DGKB: variants seen among roughly 807,000 people sequenced by gnomAD.
The protein encoded by DGKB is 90 kDa diacylglycerol kinase.
A neutral mutation model predicts 114.3 loss-of-function variants in DGKB; 67 were observed. The observed-to-expected ratio is 0.59, with a 90% CI of 0.48 to 0.72. The LOEUF (loss-of-function observed/expected upper bound fraction) is 0.72. Ranked by LOEUF, DGKB falls within the 30% of genes least tolerant of loss-of-function variation. The probability of loss-of-function intolerance (pLI) is 0.00; values close to 1 mark genes in which losing one functional copy is unlikely to be tolerated. For missense variants in DGKB, 907 were observed against 975.2 expected, an observed-to-expected ratio of 0.93 and a Z score of 0.93; for synonymous variants, 398 against 323.1, an observed-to-expected ratio of 1.23 and a Z score of -2.49.
At chr7:14,247,236 ATTTCT>A (rs1794616119) in intron 23 of DGKB, among the ~76,000 whole-genome samples, 1 of 148,936 alleles carries the variant, frequency 6.7e-6, no homozygotes, top group Non-Finnish European at 1.5e-5. Flanking sequence ...CATGTAGCAC[ATTTCT>A]TTATCTATCC....
intron 13 of DGKB, among the ~76,000 whole-genome samples, chr7:14,649,381 T>C (rs1287698547): frequency 6.7e-6 from 1 of 150,360 alleles, no homozygotes; most frequent in Non-Finnish European, 1.5e-5. Flanking sequence ...CAGAATTTCA[T>C]ATCCAGCCAA....
intron 21 of DGKB, among the ~76,000 whole-genome samples, chr7:14,405,987 A>G (rs1421746873): frequency 6.6e-6 from 1 of 151,956 alleles, no homozygotes. Context: ...AAGGAGAAAA[A>G]GGAGGAGGTT....
intron 20 of DGKB, among the ~76,000 whole-genome samples, chr7:14,522,951 AG>A (rs1043751653): frequency 1.3e-5 from 2 of 152,228 alleles, no homozygotes; most frequent in Non-Finnish European, 2.9e-5. Flanking sequence ...TTTCACTAAA[AG>A]TTAATGACCA....
chr7:14,548,144 T>C (rs1024096408), intron 20 of DGKB, among the ~76,000 whole-genome samples: 2 of 152,308 alleles, frequency 1.3e-5, no homozygotes, highest in Non-Finnish European at 2.9e-5. Flanking sequence ...TAAAGAAGTC[T>C]GTCTAGCTTT....
rs547562250 is a variant in DGKB at position 14,784,825 on chromosome 7, G to GT, written c.71-27095dup. ...TATTTTACCTCCTGTGTCAACTGCT[G>GT]TTTTTTTTTTTAATGTTTTTTTGGC... On this transcript the variant is annotated intron_variant, in intron 2 of 25. Transcript: ENST00000402815. Among the ~76,000 whole-genome samples the GT allele has an allele frequency of 1.3e-3, 186 of 138,988 alleles. 1 individual carries two copies. Among genetic ancestry groups the GT allele is most frequent in the Admixed American group, 1.9e-3 (27 of 14,070 alleles). 91.2% of individuals were successfully genotyped at this position (138,988 alleles called of 152,430 possible).
chr7:14,156,577 T>G (rs10273051), intron 25 of DGKB, among the ~76,000 whole-genome samples: 1 of 152,120 alleles, frequency 6.6e-6, no homozygotes, highest in Non-Finnish European at 1.5e-5. Flanking sequence ...TTTAAAAATA[T>G]GAAAACTCTT....
chr7:14,496,857 G>A (rs191792837), intron 20 of DGKB, among the ~76,000 whole-genome samples: 74 of 151,836 alleles, frequency 4.9e-4, no homozygotes, highest in Non-Finnish European at 3.4e-4. Flanking sequence ...TCTAGGTAAG[G>A]TATCCAAAGT....
chr7:14,623,287 T>C (rs1807978134), intron 14 of DGKB, among the ~76,000 whole-genome samples: 1 of 152,204 alleles, frequency 6.6e-6, no homozygotes, highest in African/African-American at 2.4e-5. Flanking sequence ...TACTCAGCTA[T>C]ATATATTTCC....
chr7:14,294,438 G>T (rs1052285658), intron 23 of DGKB, among the ~76,000 whole-genome samples: 1 of 152,118 alleles, frequency 6.6e-6, no homozygotes, highest in Non-Finnish European at 1.5e-5. Flanking sequence ...CAAGCATGGA[G>T]ACCCTGCATT....
chr7:14,344,007 T>C lies in DGKB; in HGVS notation c.1926+1294A>G, dbSNP rs529137245. ...ATATATTATTATATACAATAATATATAACTAAATATATAACTGTAGTACAT... is the reference window on the plus strand; with the variant it reads ...ATATATTATTATATACAATAATATACAACTAAATATATAACTGTAGTACAT... On this transcript the variant is annotated intron_variant, in intron 22 of 25. Transcript: ENST00000402815. 1.8e-3 allele frequency among the ~76,000 whole-genome samples: 269 copies of C among 147,976 alleles called. 2 individuals carry two copies. The highest frequency in any genetic ancestry group is 3.3e-3 in the Non-Finnish European group (220 of 67,078).
intron 21 of DGKB, among the ~76,000 whole-genome samples, chr7:14,422,754 A>G (rs1826910896): frequency 6.6e-6 from 1 of 151,994 alleles, no homozygotes; most frequent in Non-Finnish European, 1.5e-5. Flanking sequence ...GGTGGAAGGT[A>G]GAATAGTGAA....
intron 1 of DGKB, among the ~76,000 whole-genome samples, chr7:14,966,927 T>TTGTA (rs1787189284): frequency 6.6e-6 from 1 of 152,166 alleles, no homozygotes; most frequent in Non-Finnish European, 1.5e-5. Flanking sequence ...TATCTAAAGC[T>TTGTA]CTTTCAAATT....
chr7:14,768,944 T>C (rs1184321147), intron 2 of DGKB, among the ~76,000 whole-genome samples: 3 of 151,926 alleles, frequency 2.0e-5, no homozygotes, highest in Admixed American at 6.6e-5. Context: ...AAAATACCTG[T>C]TCAAATACTA....
At chr7:14,542,116 A>G (rs990190414) in intron 20 of DGKB, among the ~76,000 whole-genome samples, 3 of 152,212 alleles carry the variant, frequency 2.0e-5, no homozygotes, top group Admixed American at 6.5e-5. Flanking sequence ...AAATTCTACA[A>G]TGGTTCCTCA....
chr7:14,288,716 A>G (rs1313081015), intron 23 of DGKB, among the ~76,000 whole-genome samples: 1 of 152,164 alleles, frequency 6.6e-6, no homozygotes, highest in African/African-American at 2.4e-5. Flanking sequence ...GTCAGACTCC[A>G]TGGGCAATTC....
chr7:14,387,096 G>GATT lies in DGKB; in HGVS notation c.1836-41708_1836-41706dup, dbSNP rs562910960. Among the ~76,000 whole-genome samples, 242 of 134,230 alleles carry GATT rather than the reference G, an allele frequency of 1.8e-3. 1 individual carries two copies. The highest frequency in any genetic ancestry group is 8.0e-3 in the Middle Eastern group (2 of 250). 88.1% of individuals were successfully genotyped at this position (134,230 alleles called of 152,430 possible). ...TAAAACAGTTTTGTTTGTTTCTTTT[G>GATT]ATTATTTATTTATTTATTTATTTAT... is the stretch of plus-strand genomic sequence containing the variant. On this transcript the variant is annotated intron_variant, in intron 21 of 25. Transcript: ENST00000402815.
intron 23 of DGKB, among the ~76,000 whole-genome samples, chr7:14,251,604 TTA>T (rs943624928): frequency 1.6e-4 from 24 of 152,162 alleles, no homozygotes; most frequent in African/African-American, 5.8e-4. Flanking sequence ...GTTTTATTTT[TTA>T]CTTTCGTATG....
At chr7:14,222,431 A>G (rs777854592) in intron 23 of DGKB, among the ~76,000 whole-genome samples, 1 of 151,136 alleles carries the variant, frequency 6.6e-6, no homozygotes, top group Non-Finnish European at 1.5e-5. Context: ...TGAATTTTCA[A>G]TGTTAGTAAA....
intron 2 of DGKB, among the ~76,000 whole-genome samples, chr7:14,827,840 A>G (rs1845903626): frequency 6.6e-6 from 1 of 152,044 alleles, no homozygotes; most frequent in Admixed American, 6.6e-5. Flanking sequence ...TGAAAACTCA[A>G]AATATTTGTC....
Sources: gnomAD v4.1 joint callset for allele counts (sites outside exome capture counted in the v4.1 genomes callset) on GRCh38, gnomAD v4.1.1 for gene constraint, MANE v1.5 for transcripts, NCBI Gene and HGNC (gene_info 2026-07-23, HGNC 2026-07-21) for gene names.